The following APRT variants were observed in gnomAD, a reference collection of about 807,000 sequenced individuals.
The protein encoded by APRT is adenine phosphoribosyltransferase.
APRT carries 25 observed loss-of-function variants against 21.0 expected under a neutral mutation model. That is an observed-to-expected ratio of 1.19 (90% confidence interval 0.87 to 1.66). The LOEUF is 1.66. APRT is among the 40% of genes most tolerant of loss of function. The pLI, the probability that APRT is intolerant of heterozygous loss-of-function variation, is 0.00. For missense variants in APRT, 294 were observed against 232.7 expected (o/e 1.26, Z -1.72); for synonymous variants, 153 against 109.0 (o/e 1.40, Z -2.52).
At position 88,811,640 on chromosome 16, in the gene APRT, G is replaced by A. The variant is rs8191473; in HGVS notation, c.97C>T (p.Leu33=). The A allele has an allele frequency of 0.027, 42,886 of 1,597,436 alleles. 710 individuals are homozygous for A. The highest frequency in any genetic ancestry group is 0.032 in the Non-Finnish European group (37,502 of 1,172,464). ...GCGCGGAAGGAGGCGGGGTCCTTCA[G>A]GACGGGCGAGATGTCCCTGGACCCA... ...GVVFRDISPV[L]KDPASFRAAI... is the part of the protein sequence containing the mutation. The change falls in exon 2 of 5, where the codon CTG becomes TTG. Residue 33 remains leucine, a synonymous_variant. Transcript: ENST00000378364.
chr16:88,811,620 G>T lies in APRT; in HGVS notation c.117C>A (p.Phe39Leu). Residue 39 changes from phenylalanine (F) to leucine (L), a missense_variant, in exon 2 of 5, where the codon TTC becomes TTA. Transcript: ENST00000378364. ...GCGCCAGGAGGCCGATGGCGGCGCG[G>T]AAGGAGGCGGGGTCCTTCAGGACGG... is the stretch of plus-strand genomic sequence containing the variant. ...ISPVLKDPAS[F>L]RAAIGLLARH... 3 of 1,603,018 alleles carry T rather than the reference G, an allele frequency of 1.9e-6. No individual in the cohort carries two copies. The Middle Eastern group carries it at 5.0e-4, about 268-fold the overall frequency.
At chr16:88,810,400 T>A in intron 3 of APRT, 23 bp downstream of exon 3, 3 of 1,610,460 alleles carry the variant, frequency 1.9e-6, no homozygotes, top group Non-Finnish European at 2.5e-6. Context: ...CTGCCCTTCC[T>A]CTGGCCACCC....
At chr16:88,810,602 C>T (rs1176357782) in intron 2 of APRT, 46 bp from the exon 3 acceptor site, 4 of 1,600,934 alleles carry the variant, frequency 2.5e-6, no homozygotes, top group Admixed American at 1.7e-5. Flanking sequence ...TGGGAATCCC[C>T]AGGGGCCAGG....
intron 2 of APRT, 65 bp downstream of exon 2, chr16:88,811,485 C>G (rs1170829341): frequency 1.4e-6 from 2 of 1,471,150 alleles, no homozygotes; most frequent in African/African-American, 2.8e-5. Flanking sequence ...ACGCGCAGAG[C>G]CCACGTGCTG....
Position 88,809,777 on chromosome 16 carries a change from C to T in APRT, c.464G>A (p.Ser155Asn). 1 of 1,613,316 alleles carries T rather than the reference C, an allele frequency of 6.2e-7. No homozygotes were observed. The highest frequency in any genetic ancestry group is 1.7e-5 in the Admixed American group (1 of 60,022). Residue 155 changes from serine to asparagine, a missense_variant, in exon 5 of 5, where the codon AGC becomes AAC. Physicochemically the swap from Ser to Asn is conservative, Grantham distance 46 (BLOSUM62 1). Transcript: ENST00000378364. ...CTTAAGCGAGGTCAGCTCCACCAGGCTCACGCACTCCAGGACCTCAGCCTG... is the reference window on the plus strand; with the variant it reads ...CTTAAGCGAGGTCAGCTCCACCAGGTTCACGCACTCCAGGACCTCAGCCTG... ...RLQAEVLECV[S>N]LVELTSLKGR... is the part of the protein sequence containing the mutation.
chr16:88,810,348 G>A (rs748632043), intron 3 of APRT, 75 bp downstream of exon 3: 7 of 1,590,236 alleles, frequency 4.4e-6, no homozygotes, highest in South Asian at 2.2e-5. Context: ...CGCCTGGGAA[G>A]GCCTTTTAGA....
rs776240467 is a variant in APRT at position 88,810,457 on chromosome 16, GTGGGGCC to G, written c.280_286del (p.Gly94LeufsTer41). The G allele has an allele frequency of 4.3e-6, 7 of 1,612,248 alleles. No homozygotes were observed. Among genetic ancestry groups the G allele is most frequent in the Non-Finnish European group, 5.9e-6 (7 of 1,180,018 alleles). On this transcript the variant is annotated frameshift_variant, in exon 3 of 5. Transcript: ENST00000378364. LOFTEE classifies it high-confidence loss of function. ...CTCCAGGGAATAGGAGGCCCACAGA[GTGGGGCC>G]TGGCAGCTTCCCCCGCTTTCGGATG...
At chr16:88,811,682 C>T in intron 1 of APRT, 26 bp from the exon 2 acceptor site, 1 of 1,542,148 alleles carries the variant, frequency 6.5e-7, no homozygotes, top group East Asian at 2.5e-5. Context: ...GGCCTGGTGA[C>T]GCCGGGGCCG....
At chr16:88,811,341 C>T (rs564839971) in intron 2 of APRT, 6 of 600,634 alleles carry the variant, frequency 1.0e-5, no homozygotes, top group African/African-American at 5.9e-5. Flanking sequence ...GCTGGGGACC[C>T]GGAACCTGCG....
At position 88,810,407 on chromosome 16, in the gene APRT, A is replaced by G. The variant is rs778476309; in HGVS notation, c.321+16T>C. On this transcript the variant is annotated intron_variant, in intron 3 of 4. Coordinates refer to ENST00000378364, the MANE Select transcript of APRT (RefSeq NM_000485.3). Reference sequence around the variant, plus strand: ...GCCTGGCCCTGCCCTTCCTCTGGCCACCCCAGCCCTCTTACCTTCCCGTAC... The same window carrying G: ...GCCTGGCCCTGCCCTTCCTCTGGCCGCCCCAGCCCTCTTACCTTCCCGTAC... 1.2e-6 allele frequency: 2 copies of G among 1,610,644 alleles called. No individual in the cohort carries two copies. Among genetic ancestry groups the G allele is most frequent in the Non-Finnish European group, 1.7e-6 (2 of 1,179,890 alleles).
At position 88,809,502 on chromosome 16, in the gene APRT, G is replaced by A; in HGVS notation, c.*196C>T. 1.2e-6 allele frequency: 1 copy of A among 842,530 alleles called. No homozygotes were observed. Among genetic ancestry groups the A allele is most frequent in the Non-Finnish European group, 1.9e-6 (1 of 515,304 alleles). 52.2% of individuals were successfully genotyped at this position (842,530 alleles called of 1,614,324 possible). The stretch of plus-strand genomic sequence containing the variant: ...AAGCTGTTTACTGCGTTCTCCCGCT[G>A]TGTGTAATTGGGTTCAGTGTGGCTG... On this transcript the variant is annotated 3_prime_UTR_variant, in exon 5 of 5. Coordinates refer to ENST00000378364, the MANE Select transcript of APRT (RefSeq NM_000485.3).
At chr16:88,810,285 T>C in intron 3 of APRT, 137 bp from the exon 4 acceptor site, 1 of 1,507,082 alleles carries the variant, frequency 6.6e-7, no homozygotes, top group Non-Finnish European at 9.1e-7. Flanking sequence ...AGCCTATGTC[T>C]CAACCTCTCT....
Position 88,809,859 on chromosome 16 carries a change from G to A in APRT, c.401-19C>T, listed in dbSNP as rs764410865. The A allele has an allele frequency of 1.2e-6, 2 of 1,608,956 alleles. No individual in the cohort carries two copies. The highest frequency in any genetic ancestry group is 1.7e-5 in the Admixed American group (1 of 59,970). ...ATGGTTCCTGGGGATGGGAGGGTGA[G>A]GTCCCCAGTTGGCCTGGGCTGCAGA... is the stretch of plus-strand genomic sequence containing the variant. On this transcript the variant is annotated intron_variant, in intron 4 of 4. Coordinates refer to ENST00000378364, the MANE Select transcript of APRT (RefSeq NM_000485.3).
intron 2 of APRT, among the ~76,000 whole-genome samples, 153 bp from the exon 3 acceptor site, chr16:88,810,709 C>T (rs1043242020): frequency 3.3e-5 from 5 of 152,236 alleles, no homozygotes; most frequent in African/African-American, 1.2e-4. Flanking sequence ...CCCGGAGCTG[C>T]TTCCAGGTCA....
Position 88,810,097 on chromosome 16 carries a change from C to T in APRT, c.373G>A (p.Val125Ile), listed in dbSNP as rs376629164. 220 of 1,613,158 alleles carry T rather than the reference C, an allele frequency of 1.4e-4. No individual in the cohort carries two copies. Among genetic ancestry groups the T allele is most frequent in the East Asian group, 3.6e-4 (16 of 44,904 alleles). ...CCAGTGGCCAGCAGATCATCCACGA[C>T]GACCACCCTCTGTCCTGGCTCCAGG... ...DALEPGQRVV[V>I]VDDLLATGGT... Residue 125 changes from valine (V) to isoleucine (I), a missense_variant, in exon 4 of 5, where the codon GTC becomes ATC. By Grantham distance (29) the Val-to-Ile change is conservative. Coordinates refer to ENST00000378364, the MANE Select transcript of APRT (RefSeq NM_000485.3).
chr16:88,809,913 T>C (rs776013459), intron 4 of APRT, 73 bp from the exon 5 acceptor site: 13 of 1,590,412 alleles, frequency 8.2e-6, no homozygotes, highest in Non-Finnish European at 1.1e-5. Flanking sequence ...AGCCCCTGGG[T>C]TGGGGAGGGG....
chr16:88,809,818 C>T lies in APRT; in HGVS notation c.423G>A (p.Glu141=), dbSNP rs774096932. ...ATGGTMNAAC[E]LLGRLQAEVL... ...CCTCAGCCTGCAGGCGGCCCAGCAGCTCACAGGCAGCGTTCATGGTTCCTG... is the reference window on the plus strand; with the variant it reads ...CCTCAGCCTGCAGGCGGCCCAGCAGTTCACAGGCAGCGTTCATGGTTCCTG... Residue 141 remains glutamate (E), a synonymous_variant, in exon 5 of 5, where the codon GAG becomes GAA. Coordinates refer to ENST00000378364, the MANE Select transcript of APRT (RefSeq NM_000485.3). 2.5e-5 allele frequency: 40 copies of T among 1,612,490 alleles called. 1 individual carries two copies. Among genetic ancestry groups the T allele is most frequent in the Admixed American group, 1.7e-5 (1 of 60,002 alleles).
chr16:88,809,872 C>G, intron 4 of APRT, 32 bp from the exon 5 acceptor site: 6 of 1,606,394 alleles, frequency 3.7e-6, no homozygotes, highest in Non-Finnish European at 5.1e-6. Context: ...CCCCAGTTGG[C>G]CTGGGCTGCA....
At position 88,811,894 on chromosome 16, in the gene APRT, G is replaced by C. The variant is rs746541257; in HGVS notation, c.6C>G (p.Ala2=). The change falls in exon 1 of 5, where the codon GCC becomes GCG. Residue 2 remains alanine, a synonymous_variant. Coordinates refer to ENST00000378364, the MANE Select transcript of APRT (RefSeq NM_000485.3). ...GCTCAACCAGCTGCAGCTCGGAGTC[G>C]GCCATGGCCGCGTGCGAAGAGCCAG... M[A]DSELQLVEQR... is the part of the protein sequence containing the mutation. The C allele has an allele frequency of 7.1e-6, 11 of 1,552,322 alleles. No homozygotes were observed. The South Asian group carries it at 1.1e-4, about 15-fold the overall frequency.
Sources: gnomAD v4.1 joint callset for allele counts (sites outside exome capture counted in the v4.1 genomes callset) on GRCh38, gnomAD v4.1.1 for gene constraint, MANE v1.5 for transcripts, NCBI Gene and HGNC (gene_info 2026-07-23, HGNC 2026-07-21) for gene names.